KIAA0232: variants seen among roughly 807,000 people sequenced by gnomAD.
KIAA0232 encodes uncharacterized protein KIAA0232.
Under a neutral mutation model 122.0 loss-of-function variants are expected in KIAA0232, and 27 were observed. The observed-to-expected ratio is 0.22, with a 90% confidence interval of 0.16 to 0.31. KIAA0232 has a LOEUF of 0.31. KIAA0232 is among the 10% of genes least tolerant of loss of function. The probability of loss-of-function intolerance (pLI) is 1.00; values close to 1 mark genes in which losing one functional copy is unlikely to be tolerated. For synonymous variants in KIAA0232, 613 were observed against 587.6 expected, an observed-to-expected ratio of 1.04 and a Z score of -0.63; for missense variants, 1,551 against 1,634.2, an observed-to-expected ratio of 0.95 and a Z score of 0.88.
Position 6,862,552 on chromosome 4 carries a change from A to G in KIAA0232, c.2170A>G (p.Asn724Asp), listed in dbSNP as rs777222469. 9 of 1,613,650 alleles carry G rather than the reference A, an allele frequency of 5.6e-6. No homozygotes were observed. In the Admixed American group the frequency reaches 1.0e-4, roughly 18 times the overall value. The change falls in exon 7 of 10, where the codon AAT (asparagine) becomes GAT (aspartate). Residue 724 changes from asparagine (N) to aspartate (D), a missense_variant. Asn to Asp is a conservative substitution (Grantham distance 23, BLOSUM62 1). Coordinates refer to ENST00000307659, the MANE Select transcript of KIAA0232 (RefSeq NM_014743.3). ...WSHSEETRSD[N>D]ETLNIQFEES... Reference sequence around the variant, plus strand: ...CCATTCAGAAGAAACACGTTCAGACAATGAAACATTAAATATTCAGTTTGA... The same window carrying G: ...CCATTCAGAAGAAACACGTTCAGACGATGAAACATTAAATATTCAGTTTGA...
chr4:6,857,379 C>A, intron 5 of KIAA0232, 149 bp downstream of exon 5: 2 of 547,972 alleles, frequency 3.6e-6, no homozygotes, highest in Non-Finnish European at 6.1e-6. Context: ...CCTCATGCTC[C>A]ATCTGCAGCT....
At chr4:6,789,799 G>A (rs1265821459) in intron 1 of KIAA0232, among the ~76,000 whole-genome samples, 1 of 152,174 alleles carries the variant, frequency 6.6e-6, no homozygotes, top group African/African-American at 2.4e-5. Context: ...AAGCGAGGTG[G>A]GAGGATCACT....
At chr4:6,858,945 A>C (rs1720703675) in intron 6 of KIAA0232, among the ~76,000 whole-genome samples, 1 of 152,000 alleles carries the variant, frequency 6.6e-6, no homozygotes, top group East Asian at 1.9e-4. Flanking sequence ...CCCAGTCTCA[A>C]ATATTAGTTG....
At chr4:6,813,085 ATAAT>A (rs747716338) in intron 2 of KIAA0232, among the ~76,000 whole-genome samples, 35 of 152,302 alleles carry the variant, frequency 2.3e-4, no homozygotes, top group East Asian at 7.7e-4. Context: ...TGCACTCTAA[ATAAT>A]TAGGAACACC....
At chr4:6,875,793 T>C (rs988015074) in intron 8 of KIAA0232, among the ~76,000 whole-genome samples, 8 of 152,188 alleles carry the variant, frequency 5.3e-5, no homozygotes, top group African/African-American at 1.7e-4. Context: ...AGTTCCTCCT[T>C]TTACTCTGCA....
intron 2 of KIAA0232, among the ~76,000 whole-genome samples, chr4:6,811,091 A>C (rs1288796939): frequency 6.6e-6 from 1 of 152,216 alleles, no homozygotes; most frequent in Non-Finnish European, 1.5e-5. Flanking sequence ...CAGCATTCCC[A>C]CTGTTGAGTA....
rs1721613876 is a variant in KIAA0232 at position 6,873,732 on chromosome 4, G to T, written c.3910+2050G>T. Among the ~76,000 whole-genome samples the T allele has an allele frequency of 1.3e-5, 2 of 152,216 alleles. 1 individual carries two copies. Among genetic ancestry groups the T allele is most frequent in the South Asian group, 4.1e-4 (2 of 4,820 alleles). On this transcript the variant is annotated intron_variant, in intron 8 of 9. Coordinates refer to ENST00000307659, the MANE Select transcript of KIAA0232 (RefSeq NM_014743.3). ...ATATTTTTGTTTTTACAGTGAAGTG[G>T]TATATAGAGAAACTCTCAGTGCATA...
At chr4:6,809,014 C>T (rs1214943931) in intron 2 of KIAA0232, among the ~76,000 whole-genome samples, 1 of 152,146 alleles carries the variant, frequency 6.6e-6, no homozygotes, top group African/African-American at 2.4e-5. Context: ...TGAGGACAGC[C>T]AGCACTCTAT....
chr4:6,870,234 G>C (rs1721401038), intron 7 of KIAA0232, among the ~76,000 whole-genome samples: 1 of 152,198 alleles, frequency 6.6e-6, no homozygotes. Context: ...AGGTGGGCGG[G>C]GCCCAGCCAG....
chr4:6,831,256 A>G (rs1050787464), intron 3 of KIAA0232, among the ~76,000 whole-genome samples: 2 of 151,756 alleles, frequency 1.3e-5, no homozygotes, highest in South Asian at 2.1e-4. Context: ...GGGTTTCACT[A>G]TGTTGGTCAG....
intron 4 of KIAA0232, among the ~76,000 whole-genome samples, chr4:6,842,660 A>C (rs1354575344): frequency 6.7e-6 from 1 of 148,890 alleles, no homozygotes; most frequent in Non-Finnish European, 1.5e-5. Context: ...ATCTCAACTT[A>C]CTGCAACCTC....
At chr4:6,817,574 T>C (rs1718193012) in intron 2 of KIAA0232, among the ~76,000 whole-genome samples, 1 of 152,192 alleles carries the variant, frequency 6.6e-6, no homozygotes, top group South Asian at 2.1e-4. Context: ...TTTCCAGACA[T>C]CTTGATGTTA....
chr4:6,815,983 T>C (rs1007802456), intron 2 of KIAA0232, among the ~76,000 whole-genome samples: 5 of 152,192 alleles, frequency 3.3e-5, no homozygotes, highest in African/African-American at 1.2e-4. Context: ...AAGAATCTTA[T>C]GGTTGGCTTG....
At chr4:6,817,613 C>T (rs1048631392) in intron 2 of KIAA0232, among the ~76,000 whole-genome samples, 1 of 152,170 alleles carries the variant, frequency 6.6e-6, no homozygotes, top group Non-Finnish European at 1.5e-5. Flanking sequence ...GGTCAGAGAA[C>T]ATGCATGTAT....
chr4:6,880,122 G>A (rs77008633), intron 9 of KIAA0232, among the ~76,000 whole-genome samples: 5 of 25,312 alleles, frequency 2.0e-4, no homozygotes, highest in East Asian at 1.8e-3. Flanking sequence ...CAACACACAG[G>A]TCTGTAGTGT....
chr4:6,873,118 G>T (rs1721580869), intron 8 of KIAA0232, among the ~76,000 whole-genome samples: 2 of 151,916 alleles, frequency 1.3e-5, no homozygotes, highest in South Asian at 4.1e-4. Flanking sequence ...CGTGCAAGGT[G>T]CTCTCAAGCT....
chr4:6,831,690 C>T (rs143302736), intron 3 of KIAA0232, among the ~76,000 whole-genome samples: 1 of 152,260 alleles, frequency 6.6e-6, no homozygotes, highest in Non-Finnish European at 1.5e-5. Context: ...CCCAGAAGCC[C>T]CCCTCGTGTC....
rs138631698 is a variant in KIAA0232 at position 6,859,430 on chromosome 4, T to C, written c.518+924T>C. ...ATGTGTGACTACTGAGCACTTGAAA[T>C]GGGGCTGGTTCAAACCGTGATGTGC... On this transcript the variant is annotated intron_variant, in intron 6 of 9. Transcript: ENST00000307659. 8.5e-3 allele frequency among the ~76,000 whole-genome samples: 1,302 copies of C among 152,292 alleles called. 8 individuals carry two copies. Among genetic ancestry groups the C allele is most frequent in the South Asian group, 0.016 (75 of 4,828 alleles).
In KIAA0232 at chr4:6,862,703, T is replaced by C. The variant is rs1340496513; in HGVS notation, c.2321T>C (p.Leu774Ser). The C allele has an allele frequency of 1.9e-6, 3 of 1,611,386 alleles. No homozygotes were observed. The highest frequency in any genetic ancestry group is 1.1e-5 in the South Asian group (1 of 90,200). The change falls in exon 7 of 10, where the codon TTA (leucine) becomes TCA (serine). Residue 774 changes from leucine to serine, a missense_variant. Transcript: ENST00000307659. ...ACTTGCCAGCAAAACAGTAGAACTT[T>C]AGGTGAGATTCCTACATTAGTTTTC... The part of the protein sequence containing the change: ...DETCQQNSRT[L>S]GEIPTLVFKK...
Sources: gnomAD v4.1 joint callset for allele counts (sites outside exome capture counted in the v4.1 genomes callset) on GRCh38, gnomAD v4.1.1 for gene constraint, MANE v1.5 for transcripts, NCBI Gene and HGNC (gene_info 2026-07-23, HGNC 2026-07-21) for gene names.